MTHFD1L: variants seen among roughly 807,000 people sequenced by gnomAD.
The protein encoded by MTHFD1L is methylenetetrahydrofolate dehydrogenase (NADP+ dependent) 1 like.
MTHFD1L carries 81 observed loss-of-function variants against 119.5 expected under a neutral mutation model. The ratio of observed to expected loss-of-function variants is 0.68; its 90% confidence interval spans 0.57 to 0.82. The LOEUF (loss-of-function observed/expected upper bound fraction) is 0.82. Ranked by LOEUF, MTHFD1L falls within the 40% of genes least tolerant of loss-of-function variation. MTHFD1L has a pLI of 0.00. For synonymous variants in MTHFD1L, 430 were observed against 475.2 expected (o/e 0.90, Z 1.24); for missense variants, 1,125 against 1,253.4 (o/e 0.90, Z 1.55).
intron 5 of MTHFD1L, among the ~76,000 whole-genome samples, chr6:150,884,431 C>T (rs536889683): frequency 9.9e-5 from 15 of 152,100 alleles, no homozygotes; most frequent in African/African-American, 3.4e-4. Context: ...TGAGCCACCG[C>T]GCCTGGCCCC....
chr6:151,020,588 T>C (rs1321915968), intron 24 of MTHFD1L, among the ~76,000 whole-genome samples: 4 of 152,160 alleles, frequency 2.6e-5, no homozygotes, highest in East Asian at 1.9e-4. Context: ...AGAATAAAGA[T>C]TGAAAAATAT....
At chr6:150,930,512 ATAAAG>A (rs1437542953) in intron 11 of MTHFD1L, among the ~76,000 whole-genome samples, 1 of 152,034 alleles carries the variant, frequency 6.6e-6, no homozygotes, top group Non-Finnish European at 1.5e-5. Flanking sequence ...AAAATTTAAC[ATAAAG>A]TAAAAAGGAG....
chr6:151,026,946 ACCCT>A (rs922808179), intron 24 of MTHFD1L, among the ~76,000 whole-genome samples: 1 of 140,792 alleles, frequency 7.1e-6, no homozygotes, highest in Non-Finnish European at 1.5e-5. Context: ...CTCCTGCCTC[ACCCT>A]CCCAAGTAGC....
Position 151,069,539 on chromosome 6 carries a change from A to G in MTHFD1L, c.2848-22928A>G, listed in dbSNP as rs546070613. Among the ~76,000 whole-genome samples the G allele has an allele frequency of 2.0e-5, 3 of 152,264 alleles. No individual in the cohort carries two copies. In the East Asian group the frequency reaches 5.8e-4, roughly 29 times the overall value. ...TTCTTATTGCAGTCCTCCCTGCTAGATATACAACTTTGACTTTCATCAGAA... is the reference window on the plus strand; with the variant it reads ...TTCTTATTGCAGTCCTCCCTGCTAGGTATACAACTTTGACTTTCATCAGAA... On this transcript the variant is annotated intron_variant, in intron 26 of 27. Coordinates refer to ENST00000367321, the MANE Select transcript of MTHFD1L (RefSeq NM_015440.5).
At chr6:150,958,732 G>A (rs1583800693) in intron 17 of MTHFD1L, among the ~76,000 whole-genome samples, 1 of 152,088 alleles carries the variant, frequency 6.6e-6, no homozygotes, top group African/African-American at 2.4e-5. Flanking sequence ...GAACAATAAC[G>A]TTTTCATTGG....
chr6:150,866,705 C>G (rs1778402097), intron 1 of MTHFD1L: 1 of 1,124,788 alleles, frequency 8.9e-7, no homozygotes, highest in South Asian at 4.4e-5. Flanking sequence ...TCCAGCTTCG[C>G]CGCGCAGCGC....
At chr6:150,992,347 A>G (rs1391390139) in intron 20 of MTHFD1L, among the ~76,000 whole-genome samples, 1 of 152,190 alleles carries the variant, frequency 6.6e-6, no homozygotes, top group Non-Finnish European at 1.5e-5. Flanking sequence ...ACACAATGCT[A>G]TATTCTGTTT....
At chr6:150,889,128 G>A (rs558867343) in intron 7 of MTHFD1L, among the ~76,000 whole-genome samples, 24 of 152,060 alleles carry the variant, frequency 1.6e-4, no homozygotes, top group African/African-American at 5.3e-4. Flanking sequence ...AGTGAGCCGC[G>A]ATCGTGCCAC....
At chr6:150,942,426 G>A (rs1793281938) in intron 13 of MTHFD1L, among the ~76,000 whole-genome samples, 1 of 152,134 alleles carries the variant, frequency 6.6e-6, no homozygotes, top group Non-Finnish European at 1.5e-5. Context: ...AACACTTCAG[G>A]AAGAAGAGTA....
chr6:150,953,004 C>CCGAG (rs1314015490), intron 16 of MTHFD1L, among the ~76,000 whole-genome samples: 9 of 152,186 alleles, frequency 5.9e-5, no homozygotes, highest in Admixed American at 5.9e-4. Flanking sequence ...CTCTGCCTGT[C>CCGAG]CGAGCCCCGG....
At chr6:150,927,507 G>A (rs1583602626) in intron 11 of MTHFD1L, among the ~76,000 whole-genome samples, 1 of 149,648 alleles carries the variant, frequency 6.7e-6, no homozygotes, top group Admixed American at 6.7e-5. Context: ...CCAAGACTGG[G>A]GTGCAGTGGT....
In MTHFD1L at chr6:151,073,000, G is replaced by A. The variant is rs549935307; in HGVS notation, c.2848-19467G>A. On this transcript the variant is annotated intron_variant, in intron 26 of 27. Transcript: ENST00000367321. ...ATTGGACACCAGGCAGCAAAAAACA[G>A]TGGCCCCTGAGAAATTGGAAACAAA... is the stretch of plus-strand genomic sequence containing the variant. Among the ~76,000 whole-genome samples the A allele has an allele frequency of 2.0e-5, 3 of 152,146 alleles. No individual in the cohort carries two copies. In the South Asian group the frequency reaches 6.2e-4, roughly 32 times the overall value.
chr6:151,100,532 C>T (rs1405946955), intron 27 of MTHFD1L, among the ~76,000 whole-genome samples: 2 of 151,906 alleles, frequency 1.3e-5, no homozygotes, highest in Non-Finnish European at 2.9e-5. Flanking sequence ...ACTTTCTAGG[C>T]CTAAAAGATA....
chr6:150,888,535 A>G (rs903171293), intron 7 of MTHFD1L, among the ~76,000 whole-genome samples: 11 of 152,250 alleles, frequency 7.2e-5, no homozygotes, highest in African/African-American at 2.7e-4. Flanking sequence ...TTTTGAAAGT[A>G]ATTATAATTT....
intron 18 of MTHFD1L, among the ~76,000 whole-genome samples, chr6:150,964,599 C>T (rs936830862): frequency 6.6e-6 from 1 of 152,150 alleles, no homozygotes; most frequent in South Asian, 2.1e-4. Flanking sequence ...CACCTTATTT[C>T]TTTGAGCAAG....
At chr6:151,085,493 G>A (rs1179175659) in intron 26 of MTHFD1L, among the ~76,000 whole-genome samples, 1 of 151,986 alleles carries the variant, frequency 6.6e-6, no homozygotes, top group Non-Finnish European at 1.5e-5. Flanking sequence ...TTTTTTGGCC[G>A]GGCGCGTTGT....
intron 12 of MTHFD1L, among the ~76,000 whole-genome samples, chr6:150,938,091 C>T (rs1792430411): frequency 6.6e-6 from 1 of 152,192 alleles, no homozygotes; most frequent in African/African-American, 2.4e-5. Context: ...AATCTCGGCT[C>T]ACTCCAATCT....
At chr6:150,873,504 T>G (rs1232025210) in intron 1 of MTHFD1L, among the ~76,000 whole-genome samples, 1 of 152,114 alleles carries the variant, frequency 6.6e-6, no homozygotes, top group Non-Finnish European at 1.5e-5. Flanking sequence ...GTTTTACAGA[T>G]GAGGAATCTG....
At chr6:151,059,102 C>T (rs1790334393) in intron 26 of MTHFD1L, among the ~76,000 whole-genome samples, 1 of 152,178 alleles carries the variant, frequency 6.6e-6, no homozygotes, top group African/African-American at 2.4e-5. Context: ...AAAGTCCTGC[C>T]CTGGCCACAG....
Sources: gnomAD v4.1 joint callset for allele counts (sites outside exome capture counted in the v4.1 genomes callset) on GRCh38, gnomAD v4.1.1 for gene constraint, MANE v1.5 for transcripts, NCBI Gene and HGNC (gene_info 2026-07-23, HGNC 2026-07-21) for gene names.